STXBP5: variants seen among roughly 807,000 people sequenced by gnomAD.
STXBP5 encodes the protein syntaxin-binding protein 5.
Under a neutral mutation model 152.4 loss-of-function variants are expected in STXBP5, and 50 were observed. The ratio of observed to expected loss-of-function variants is 0.33; its 90% CI spans 0.26 to 0.42. The LOEUF is 0.42. Ranked by LOEUF, STXBP5 falls within the 10% of genes least tolerant of loss-of-function variation. The pLI is 1.00. For synonymous variants in STXBP5, 492 were observed against 494.7 expected (o/e 0.99, Z 0.07); for missense variants, 1,167 against 1,388.6 (o/e 0.84, Z 2.54).
At chr6:147,279,585 A>G (rs1780605378) in intron 8 of STXBP5, among the ~76,000 whole-genome samples, 1 of 152,206 alleles carries the variant, frequency 6.6e-6, no homozygotes, top group Admixed American at 6.5e-5. Flanking sequence ...GAAACCACAT[A>G]TTGTGAAATA....
At chr6:147,206,148 A>G (rs567077500) in intron 2 of STXBP5, 80 bp downstream of exon 2, 1 of 1,263,204 alleles carries the variant, frequency 7.9e-7, no homozygotes, top group African/African-American at 1.5e-5. Context: ...GTTCCAAAGA[A>G]AGTTTTTATT....
intron 17 of STXBP5, among the ~76,000 whole-genome samples, chr6:147,326,443 A>G (rs962372355): frequency 6.6e-6 from 1 of 152,156 alleles, no homozygotes; most frequent in Non-Finnish European, 1.5e-5. Context: ...GTGTTTCTCC[A>G]TGGCAGCTTC....
intron 4 of STXBP5, among the ~76,000 whole-genome samples, chr6:147,243,449 T>C (rs541804982): frequency 2.0e-3 from 303 of 152,340 alleles, no homozygotes; most frequent in African/African-American, 7.1e-3. Context: ...TACTGATAAA[T>C]TTTAATAATT....
At chr6:147,213,477 T>TGTGTGTGTGTGCGCGCGCGCGC in intron 2 of STXBP5, among the ~76,000 whole-genome samples, 8 of 131,320 alleles carry the variant, frequency 6.1e-5, no homozygotes, top group South Asian at 4.6e-4. Flanking sequence ...TGTGTGTGTG[T>TGTGTGTGTGTGCGCGCGCGCGC]GCGCGCGCAT....
intron 9 of STXBP5, among the ~76,000 whole-genome samples, chr6:147,303,533 A>C (rs1285921961): frequency 6.6e-6 from 1 of 152,182 alleles, no homozygotes; most frequent in Non-Finnish European, 1.5e-5. Context: ...GTAAATTGGC[A>C]CCAGGAGTGG....
chr6:147,323,972 T>G (rs1029656081), intron 16 of STXBP5, among the ~76,000 whole-genome samples: 1 of 152,152 alleles, frequency 6.6e-6, no homozygotes, highest in Non-Finnish European at 1.5e-5. Context: ...TACTACACAC[T>G]CCTACCACTG....
intron 24 of STXBP5, 33 bp downstream of exon 24, chr6:147,363,737 T>A: frequency 1.3e-6 from 2 of 1,563,476 alleles, no homozygotes; most frequent in Non-Finnish European, 1.7e-6. Context: ...AACACAGATA[T>A]AGCATTTCCT....
intron 9 of STXBP5, among the ~76,000 whole-genome samples, chr6:147,304,109 CAATAGGGTA>C (rs895778432): frequency 2.0e-5 from 3 of 152,148 alleles, no homozygotes; most frequent in African/African-American, 7.2e-5. Flanking sequence ...ATCAACAAGA[CAATAGGGTA>C]AATGCCTCCA....
rs908286248 is a variant in STXBP5, at chr6:147,358,737, T to C, written c.2306-347T>C. Among the ~76,000 whole-genome samples, 4 of 152,108 alleles carry C rather than the reference T, an allele frequency of 2.6e-5. 1 individual carries two copies. The South Asian group carries it at 6.2e-4, about 24-fold the overall frequency. ...AAGTAGGCTAGAGAAAAGAATGTTATTAAGAAAATCATAAGGAAGAGAAAA... is the reference window on the plus strand; with the variant it reads ...AAGTAGGCTAGAGAAAAGAATGTTACTAAGAAAATCATAAGGAAGAGAAAA... On this transcript the variant is annotated intron_variant, in intron 22 of 27. Transcript: ENST00000321680.
intron 26 of STXBP5, among the ~76,000 whole-genome samples, chr6:147,374,362 C>T (rs1785708817): frequency 6.6e-6 from 1 of 152,026 alleles, no homozygotes; most frequent in Admixed American, 6.6e-5. Context: ...CAGCTAGTAT[C>T]TATCCTTTGA....
chr6:147,364,007 A>C lies in STXBP5; in HGVS notation c.2922A>C (p.Pro974=), dbSNP rs769813723. 1 of 1,610,082 alleles carries C rather than the reference A, an allele frequency of 6.2e-7. No homozygotes were observed. Among genetic ancestry groups the C allele is most frequent in the East Asian group, 2.2e-5 (1 of 44,852 alleles). ...ANGHIMTFSL[P]SLRPLLDVYY... ...TTTTAATTTTTTTCTCAAGTTTGCC[A>C]AGTTTAAGACCTCTGTTGGATGTGT... The change falls in exon 25 of 28, where the codon CCA becomes CCC. Residue 974 remains proline, a synonymous_variant. Transcript: ENST00000321680.
chr6:147,219,136 C>T (rs990602554), intron 2 of STXBP5, among the ~76,000 whole-genome samples: 21 of 152,040 alleles, frequency 1.4e-4, no homozygotes, highest in African/African-American at 4.1e-4. Context: ...CGTAGTTTAC[C>T]GACAGTGTTT....
At chr6:147,367,980 G>A (rs537907606) in intron 25 of STXBP5, among the ~76,000 whole-genome samples, 39 of 151,948 alleles carry the variant, frequency 2.6e-4, no homozygotes, top group South Asian at 8.3e-4. Flanking sequence ...ATAGATAACC[G>A]AAATAGTCCT....
rs769094924 is a variant in STXBP5 at position 147,382,854 on chromosome 6, A to G, written c.3270A>G (p.Val1090=). ...CTGGCCCTGGTGGCATTGAAGGCGTAAAAGGGGCAGCATCTGGAGTTGTTG... is the reference window on the plus strand; with the variant it reads ...CTGGCCCTGGTGGCATTGAAGGCGTGAAAGGGGCAGCATCTGGAGTTGTTG... The part of the protein sequence containing the change: ...HIPGPGGIEG[V]KGAASGVVGE... The change falls in exon 27 of 28, where the codon GTA becomes GTG. Residue 1090 remains valine, a synonymous_variant. Transcript: ENST00000321680. 1.2e-6 allele frequency: 2 copies of G among 1,613,554 alleles called. No homozygotes were observed. Among genetic ancestry groups the G allele is most frequent in the Admixed American group, 3.3e-5 (2 of 59,936 alleles).
chr6:147,213,434 ATGTGTGTGTGTGTGTGTG>A (rs1159372834), intron 2 of STXBP5, among the ~76,000 whole-genome samples: 1 of 85,536 alleles, frequency 1.2e-5, no homozygotes, highest in Admixed American at 1.2e-4. Flanking sequence ...AATTTTATAT[ATGTGTGTGTGTGTGTGTG>A]TGTGTGTGTG....
At chr6:147,278,048 A>G (rs761841614) in intron 7 of STXBP5, 33 bp from the exon 8 acceptor site, 5 of 1,570,788 alleles carry the variant, frequency 3.2e-6, no homozygotes, top group Non-Finnish European at 4.3e-6. Flanking sequence ...GTTTAAATAG[A>G]TTTTTTAAAT....
intron 4 of STXBP5, among the ~76,000 whole-genome samples, chr6:147,259,275 A>G (rs1371485850): frequency 6.6e-6 from 1 of 152,184 alleles, no homozygotes; most frequent in Non-Finnish European, 1.5e-5. Flanking sequence ...TCAGTCATGT[A>G]AGTTAGTTTT....
Position 147,213,477 on chromosome 6 carries a change from T to TGTGCGCGCGC in STXBP5, c.248+7410_248+7411insTGCGCGCGCG. Among the ~76,000 whole-genome samples the TGTGCGCGCGC allele has an allele frequency of 2.8e-3, 374 of 131,300 alleles. 1 individual carries two copies. The highest frequency in any genetic ancestry group is 0.012 in the Middle Eastern group (3 of 256). 86.1% of individuals were successfully genotyped at this position (131,300 alleles called of 152,430 possible). ...GTGTGTGTGTGTGTGTGTGTGTGTG[T>TGTGCGCGCGC]GCGCGCGCATATATATATTTTTTCT... On this transcript the variant is annotated intron_variant, in intron 2 of 27. Coordinates refer to ENST00000321680, the MANE Select transcript of STXBP5 (RefSeq NM_001127715.4).
At chr6:147,377,814 G>A (rs1244192209) in intron 26 of STXBP5, among the ~76,000 whole-genome samples, 1 of 151,976 alleles carries the variant, frequency 6.6e-6, no homozygotes, top group Non-Finnish European at 1.5e-5. Flanking sequence ...TAACTGTTGA[G>A]TGTATAACAA....
Sources: allele counts gnomAD v4.1 joint callset (sites outside exome capture counted in the v4.1 genomes callset), GRCh38; gene constraint gnomAD v4.1.1; transcripts MANE v1.5; gene names NCBI Gene and HGNC (gene_info 2026-07-23, HGNC 2026-07-21).